CACNA1C: variants seen among roughly 807,000 people sequenced by gnomAD.
CACNA1C encodes voltage-dependent L-type calcium channel subunit alpha-1C.
CACNA1C carries 30 observed loss-of-function variants against 229.0 expected under a neutral mutation model. The observed-to-expected ratio is 0.13, with a 90% CI of 0.10 to 0.18. The LOEUF (loss-of-function observed/expected upper bound fraction) is 0.18. Ranked by LOEUF, CACNA1C falls within the 10% of genes least tolerant of loss-of-function variation. The pLI, the probability that CACNA1C is intolerant of heterozygous loss-of-function variation, is 1.00. For synonymous variants in CACNA1C, 1,114 were observed against 1,132.5 expected (o/e 0.98, Z 0.33); for missense variants, 1,658 against 2,845.0 (o/e 0.58, Z 9.49).
At chr12:2,177,634 C>CTCTTTCTT (rs755417751) in intron 3 of CACNA1C, among the ~76,000 whole-genome samples, 31,169 of 110,602 alleles carry the variant, frequency 0.28, 5,969 homozygotes, top group Non-Finnish European at 0.37. Flanking sequence ...CCTTCTCTCT[C>CTCTTTCTT]TCTTTCTTTC....
rs760873868 is a variant in CACNA1C, at chr12:2,680,405, C to T, written c.5444+609C>T. 7.4e-5 allele frequency: 116 copies of T among 1,560,476 alleles called. No individual in the cohort carries two copies. The highest frequency in any genetic ancestry group is 9.3e-5 in the Non-Finnish European group (107 of 1,151,604). Reference sequence around the variant, plus strand: ...TGCTGGATGGTGGGACCTTCCCTCCCGCCCTGGGCCCCCGCAGGGCTCCTC... The same window carrying T: ...TGCTGGATGGTGGGACCTTCCCTCCTGCCCTGGGCCCCCGCAGGGCTCCTC... On this transcript the variant is annotated intron_variant, in intron 42 of 46. Transcript: ENST00000399655.
rs2096047682 is a variant in CACNA1C, at chr12:2,665,558, C to T, written c.4399-23C>T. The T allele has an allele frequency of 6.2e-7, 1 of 1,611,848 alleles. No homozygotes were observed. Among genetic ancestry groups the T allele is most frequent in the South Asian group, 1.1e-5 (1 of 90,928 alleles). ...TGTGTAGGAAGGTCTTCTCACAGCA[C>T]CTCATTGTACTGTTCCCCACAGATC... On this transcript the variant is annotated intron_variant, in intron 35 of 46. Coordinates refer to ENST00000399655, the MANE Select transcript of CACNA1C (RefSeq NM_000719.7). The surrounding 1 kb of genome is among the most constrained non-coding windows in gnomAD (Gnocchi z 5.9).
chr12:2,211,600 A>C (rs971474470), intron 3 of CACNA1C, among the ~76,000 whole-genome samples: 1 of 152,018 alleles, frequency 6.6e-6, no homozygotes, highest in Non-Finnish European at 1.5e-5. Flanking sequence ...AAAGTCATTC[A>C]TGCAGGTTTG....
chr12:2,550,864 G>A (rs1321522316), intron 10 of CACNA1C, among the ~76,000 whole-genome samples: 1 of 152,200 alleles, frequency 6.6e-6, no homozygotes, highest in Non-Finnish European at 1.5e-5. Context: ...TGAGGCTGAC[G>A]GCAGAGCAGC....
In CACNA1C at chr12:2,054,587, T is replaced by G. The variant is rs1028074856; in HGVS notation, c.49+976T>G. Reference sequence around the variant, plus strand: ...CTCCCTCACCGCTCTCCCCCCATATTAACAAGTTGTTTTCTTGGACGTTGC... The same window carrying G: ...CTCCCTCACCGCTCTCCCCCCATATGAACAAGTTGTTTTCTTGGACGTTGC... On this transcript the variant is annotated intron_variant, in intron 1 of 46. Coordinates refer to ENST00000399655, the MANE Select transcript of CACNA1C (RefSeq NM_000719.7). This position sits in a 1 kb window ranked among gnomAD's most constrained non-coding sequence, Gnocchi z 5.5. Among the ~76,000 whole-genome samples, 3 of 152,286 alleles carry G rather than the reference T, an allele frequency of 2.0e-5. No homozygotes were observed. Among genetic ancestry groups the G allele is most frequent in the Admixed American group, 2.0e-4 (3 of 15,298 alleles).
Position 2,616,377 on chromosome 12 carries a change from C to T in CACNA1C, c.3828+4364C>T, listed in dbSNP as rs114639783. Among the ~76,000 whole-genome samples, 210 of 152,342 alleles carry T rather than the reference C, an allele frequency of 1.4e-3. 1 individual carries two copies. Among genetic ancestry groups the T allele is most frequent in the African/African-American group, 4.5e-3 (189 of 41,584 alleles). The stretch of plus-strand genomic sequence containing the variant: ...CTGGTGATTTTCAGCCAGAAGTTGA[C>T]GCATATATAGTGGAGCCCCTCTTGA... On this transcript the variant is annotated intron_variant, in intron 29 of 46. Transcript: ENST00000399655.
intron 11 of CACNA1C, among the ~76,000 whole-genome samples, 155 bp downstream of exon 11, chr12:2,557,132 A>G (rs1211456928): frequency 1.3e-5 from 2 of 152,182 alleles, no homozygotes; most frequent in African/African-American, 2.4e-5. Context: ...CATCAAGAAA[A>G]AGCTTATGGC....
At chr12:2,667,880 G>T (rs181030382) in intron 37 of CACNA1C, among the ~76,000 whole-genome samples, 1 of 152,304 alleles carries the variant, frequency 6.6e-6, no homozygotes, top group Admixed American at 6.5e-5. Context: ...CATGCCCTTG[G>T]CATGGACGCT....
intron 3 of CACNA1C, among the ~76,000 whole-genome samples, chr12:2,284,675 T>C (rs1209552253): frequency 6.6e-6 from 1 of 152,222 alleles, no homozygotes; most frequent in East Asian, 1.9e-4. Flanking sequence ...TTACCATAAT[T>C]CCGGCCTGTG....
chr12:2,390,224 G>A (rs1016539068), intron 3 of CACNA1C, among the ~76,000 whole-genome samples: 5 of 152,192 alleles, frequency 3.3e-5, no homozygotes, highest in Admixed American at 6.5e-5. Context: ...ATGCCAAAGG[G>A]GGCCCTGACC....
At position 2,412,241 on chromosome 12, in the gene CACNA1C, G is replaced by T. The variant is rs2098816208; in HGVS notation, c.478-36735G>T. On this transcript the variant is annotated intron_variant, in intron 3 of 46. Transcript: ENST00000399655. Reference sequence around the variant, plus strand: ...CAAAGGCCCCCCACAATCCCTGCTGGCAAGGCCGTCCTTCCACAGCACACA... The same window carrying T: ...CAAAGGCCCCCCACAATCCCTGCTGTCAAGGCCGTCCTTCCACAGCACACA... 2.0e-5 allele frequency among the ~76,000 whole-genome samples: 3 copies of T among 152,148 alleles called. No homozygotes were observed. The South Asian group carries it at 6.2e-4, about 32-fold the overall frequency.
chr12:2,497,048 C>T (rs575436401), intron 7 of CACNA1C, among the ~76,000 whole-genome samples: 1 of 152,138 alleles, frequency 6.6e-6, no homozygotes, highest in Non-Finnish European at 1.5e-5. Flanking sequence ...CTTAGTTTCA[C>T]GTTTTGTTTT....
intron 9 of CACNA1C, among the ~76,000 whole-genome samples, chr12:2,545,147 A>G (rs781257661): frequency 4.0e-5 from 6 of 151,334 alleles, no homozygotes; most frequent in Admixed American, 6.6e-5. Flanking sequence ...ACACATCACA[A>G]TTTGATTGAG....
At chr12:2,459,167 GTGTTTT>G (rs201702323) in intron 5 of CACNA1C, among the ~76,000 whole-genome samples, 10,876 of 100,068 alleles carry the variant, frequency 0.11, 422 homozygotes, top group Middle Eastern at 0.21. Flanking sequence ...TTTTTTGTGT[GTGTTTT>G]TTTTTTTTTT....
intron 13 of CACNA1C, among the ~76,000 whole-genome samples, chr12:2,572,907 CTCCTCCTCCTCT>C (rs2056831860): frequency 1.5e-5 from 2 of 131,978 alleles, no homozygotes; most frequent in Non-Finnish European, 3.3e-5. Flanking sequence ...CTTCCTCCTT[CTCCTCCTCCTCT>C]TCCTCCTCCT....
At chr12:2,655,088 G>A in intron 33 of CACNA1C, 59 bp from the exon 34 acceptor site, 2 of 1,032,004 alleles carry the variant, frequency 1.9e-6, no homozygotes, top group Non-Finnish European at 3.0e-6. Flanking sequence ...AACAATGGTG[G>A]GAAATTAGGA....
chr12:2,182,637 C>G (rs1221981306), intron 3 of CACNA1C, among the ~76,000 whole-genome samples: 1 of 152,164 alleles, frequency 6.6e-6, no homozygotes, highest in Non-Finnish European at 1.5e-5. Context: ...TTGTCTAATT[C>G]CTCCACAGAA....
intron 5 of CACNA1C, among the ~76,000 whole-genome samples, chr12:2,478,373 C>T (rs2099641993): frequency 6.6e-6 from 1 of 152,164 alleles, no homozygotes; most frequent in Non-Finnish European, 1.5e-5. Context: ...GCCCTAGGGC[C>T]TGGCTGCTGG....
intron 8 of CACNA1C, among the ~76,000 whole-genome samples, chr12:2,507,650 T>A (rs2099774683): frequency 6.6e-6 from 1 of 152,230 alleles, no homozygotes; most frequent in South Asian, 2.1e-4. Flanking sequence ...TCAGGCTCCG[T>A]GCTCGGCGTG....
Sources: gnomAD v4.1 joint callset for allele counts (sites outside exome capture counted in the v4.1 genomes callset) on GRCh38, gnomAD v4.1.1 for gene constraint, Gnocchi (gnomAD v3.1) non-coding constraint, MANE v1.5 for transcripts, NCBI Gene and HGNC (gene_info 2026-07-23, HGNC 2026-07-21) for gene names.